GALNT8: variants seen among roughly 807,000 people sequenced by gnomAD.
The protein encoded by GALNT8 is probable polypeptide N-acetylgalactosaminyltransferase 8.
Under a neutral mutation model 62.7 loss-of-function variants are expected in GALNT8, and 66 were observed. That is an observed-to-expected ratio of 1.05 (90% CI 0.86 to 1.29). GALNT8 has a LOEUF of 1.29. Ranked by LOEUF, GALNT8 falls within the 50% of genes most tolerant of loss-of-function variation. The pLI, the probability that GALNT8 is intolerant of heterozygous loss-of-function variation, is 0.00. For synonymous variants in GALNT8, 288 were observed against 294.3 expected (o/e 0.98, Z 0.22); for missense variants, 771 against 791.8 (o/e 0.97, Z 0.32).
chr12:4,766,601 G>T (rs1052085098), intron 10 of GALNT8, among the ~76,000 whole-genome samples: 9 of 152,202 alleles, frequency 5.9e-5, no homozygotes, highest in African/African-American at 1.9e-4. Flanking sequence ...CAGAATTCAT[G>T]TGATGATGAC....
At chr12:4,767,397 A>G (rs1046135687) in intron 10 of GALNT8, among the ~76,000 whole-genome samples, 2 of 152,208 alleles carry the variant, frequency 1.3e-5, no homozygotes, top group Admixed American at 1.3e-4. Context: ...TGCAGAGCAA[A>G]TGGAAGATTG....
In GALNT8 at chr12:4,739,152, G is replaced by T. The variant is rs1565384161; in HGVS notation, c.510-11G>T. ...AAAAAAATAATATGTTATAAAAATGGTCTCTTATAGATGTCTTCGGAAGAC... is the reference window on the plus strand; with the variant it reads ...AAAAAAATAATATGTTATAAAAATGTTCTCTTATAGATGTCTTCGGAAGAC... On this transcript the variant is annotated splice_polypyrimidine_tract_variant and intron_variant, in intron 2 of 10. Transcript: ENST00000252318. 1 of 1,547,246 alleles carries T rather than the reference G, an allele frequency of 6.5e-7. No individual in the cohort carries two copies. The highest frequency in any genetic ancestry group is 8.8e-7 in the Non-Finnish European group (1 of 1,136,872).
chr12:4,759,844 T>G (rs772421367), intron 6 of GALNT8, among the ~76,000 whole-genome samples: 1 of 152,132 alleles, frequency 6.6e-6, no homozygotes, highest in Non-Finnish European at 1.5e-5. Context: ...ACAGGAGACA[T>G]CACGTCGATC....
chr12:4,747,368 C>T (rs925722290), intron 6 of GALNT8, among the ~76,000 whole-genome samples: 6 of 152,138 alleles, frequency 3.9e-5, no homozygotes, highest in African/African-American at 1.2e-4. Context: ...TCCCCTCTCC[C>T]CCAACTACCC....
intron 10 of GALNT8, among the ~76,000 whole-genome samples, chr12:4,767,466 A>G (rs1946404982): frequency 6.6e-6 from 1 of 152,212 alleles, no homozygotes; most frequent in Admixed American, 6.5e-5. Flanking sequence ...AGAAAAGGTG[A>G]TGCTGTCTTT....
At chr12:4,750,348 C>T (rs1425188758) in intron 6 of GALNT8, among the ~76,000 whole-genome samples, 1 of 151,942 alleles carries the variant, frequency 6.6e-6, no homozygotes, top group African/African-American at 2.4e-5. Flanking sequence ...ACCCTCCACC[C>T]TCCACCCTCC....
chr12:4,721,769 C>T (rs1946170970), intron 1 of GALNT8, among the ~76,000 whole-genome samples: 1 of 152,178 alleles, frequency 6.6e-6, no homozygotes, highest in Non-Finnish European at 1.5e-5. Flanking sequence ...TCCTCCTCAG[C>T]ACAGACCCTT....
intron 6 of GALNT8, among the ~76,000 whole-genome samples, chr12:4,748,242 A>G (rs1220831012): frequency 3.3e-5 from 5 of 151,954 alleles, no homozygotes; most frequent in East Asian, 1.9e-4. Flanking sequence ...CCATTTGTCA[A>G]TGTTTGTATT....
At chr12:4,759,314 G>A (rs550226787) in intron 6 of GALNT8, among the ~76,000 whole-genome samples, 15 of 152,102 alleles carry the variant, frequency 9.9e-5, no homozygotes, top group African/African-American at 3.4e-4. Flanking sequence ...GAAAGAAAAT[G>A]TGCACTTCAG....
intron 2 of GALNT8, among the ~76,000 whole-genome samples, chr12:4,734,274 G>A (rs969879446): frequency 2.0e-5 from 3 of 152,138 alleles, no homozygotes; most frequent in East Asian, 3.9e-4. Context: ...AGTGAACACA[G>A]GTCTTTCTGG....
chr12:4,750,028 T>A (rs1254448724), intron 6 of GALNT8, among the ~76,000 whole-genome samples: 1 of 152,148 alleles, frequency 6.6e-6, no homozygotes, highest in Non-Finnish European at 1.5e-5. Context: ...TCAATTCTAT[T>A]TATTTAGATA....
At position 4,765,516 on chromosome 12, in the gene GALNT8, T is replaced by C. The variant is rs749417626; in HGVS notation, c.1731T>C (p.Asn577=). 1 of 1,608,624 alleles carries C rather than the reference T, an allele frequency of 6.2e-7. No homozygotes were observed. The highest frequency in any genetic ancestry group is 8.5e-7 in the Non-Finnish European group (1 of 1,178,854). Residue 577 remains asparagine (N), a synonymous_variant, in exon 10 of 11, where the codon AAT becomes AAC. Coordinates refer to ENST00000252318, the MANE Select transcript of GALNT8 (RefSeq NM_017417.2). The stretch of plus-strand genomic sequence containing the variant: ...AACCATGCTCCAAGGCAGCTAAGAA[T>C]AGACTGCATATATATTGGGATTTTA... ...TLEPCSKAAK[N]RLHIYWDFKP... is the part of the protein sequence containing the mutation.
At chr12:4,738,210 G>A (rs761784739) in intron 2 of GALNT8, among the ~76,000 whole-genome samples, 20 of 152,182 alleles carry the variant, frequency 1.3e-4, no homozygotes, top group Non-Finnish European at 2.6e-4. Context: ...GCTGAGACAA[G>A]TGGATATCTA....
chr12:4,761,617 G>GTT (rs71445635), intron 7 of GALNT8, among the ~76,000 whole-genome samples: 115 of 150,420 alleles, frequency 7.6e-4, no homozygotes, highest in Admixed American at 1.1e-3. Flanking sequence ...TCTTTTTTAA[G>GTT]TTTTTTTTTT....
chr12:4,771,284 G>A (rs1946423112), intron 10 of GALNT8, among the ~76,000 whole-genome samples: 1 of 152,208 alleles, frequency 6.6e-6, no homozygotes, highest in Non-Finnish European at 1.5e-5. Context: ...TGGTCTGGAA[G>A]CAAAGAGAGA....
At chr12:4,739,059 A>T in intron 2 of GALNT8, 104 bp from the exon 3 acceptor site, 1 of 619,310 alleles carries the variant, frequency 1.6e-6, no homozygotes, top group East Asian at 2.9e-5. Flanking sequence ...TGAGGGGTGG[A>T]TGAATTGGTC....
In GALNT8 at chr12:4,765,558, G is replaced by C. The variant is rs895200376; in HGVS notation, c.1761+12G>C. The C allele has an allele frequency of 7.6e-6, 12 of 1,588,614 alleles. No homozygotes were observed. The highest frequency in any genetic ancestry group is 1.0e-5 in the Non-Finnish European group (12 of 1,162,672). ...GGGATTTTAAACCGGTGAGTTATGT[G>C]TTTTTGTTTGTTGGTTTGTTTGTTT... On this transcript the variant is annotated intron_variant, in intron 10 of 10. Transcript: ENST00000252318.
At chr12:4,744,484 C>T in intron 3 of GALNT8, 33 bp from the exon 4 acceptor site, 3 of 1,484,554 alleles carry the variant, frequency 2.0e-6, no homozygotes, top group South Asian at 1.2e-5. Context: ...TTGTTGCACT[C>T]AGAATTTCTA....
intron 9 of GALNT8, 110 bp from the exon 10 acceptor site, chr12:4,765,269 C>G: frequency 1.0e-6 from 1 of 983,748 alleles, no homozygotes; most frequent in Non-Finnish European, 1.5e-6. Context: ...GACTGGGTGT[C>G]TAGGGGCCCC....
Sources: allele counts gnomAD v4.1 joint callset (sites outside exome capture counted in the v4.1 genomes callset), GRCh38; gene constraint gnomAD v4.1.1; transcripts MANE v1.5; gene names NCBI Gene and HGNC (gene_info 2026-07-23, HGNC 2026-07-21).